The following BMP5 variants were observed in gnomAD, a reference collection of about 807,000 sequenced individuals.
The protein encoded by BMP5 is bone morphogenetic protein 5.
Under a neutral mutation model 46.6 loss-of-function variants are expected in BMP5, and 23 were observed. The observed-to-expected ratio is 0.49, with a 90% CI of 0.35 to 0.70. The LOEUF is 0.70. BMP5 is among the 30% of genes least tolerant of loss of function. The probability of loss-of-function intolerance (pLI) is 0.00; values close to 1 mark genes in which losing one functional copy is unlikely to be tolerated. For synonymous variants in BMP5, 204 were observed against 191.9 expected, an observed-to-expected ratio of 1.06 and a Z score of -0.52; for missense variants, 545 against 565.6, an observed-to-expected ratio of 0.96 and a Z score of 0.37.
At chr6:55,812,821 T>C (rs1776166556) in intron 2 of BMP5, among the ~76,000 whole-genome samples, 1 of 152,236 alleles carries the variant, frequency 6.6e-6, no homozygotes. Context: ...AAACAATTAA[T>C]AGGATTTTAA....
chr6:55,837,566 GT>G (rs1472520910), intron 1 of BMP5, among the ~76,000 whole-genome samples: 1 of 152,086 alleles, frequency 6.6e-6, no homozygotes, highest in African/African-American at 2.4e-5. Context: ...TACATGAGAT[GT>G]TTCAATACTG....
intron 1 of BMP5, among the ~76,000 whole-genome samples, chr6:55,835,555 G>T (rs2127543527): frequency 6.6e-6 from 1 of 152,260 alleles, no homozygotes; most frequent in Admixed American, 6.5e-5. Context: ...TGAATGAAAA[G>T]CAGCTTTCAT....
In BMP5 at chr6:55,755,676, G is replaced by T. The variant is rs1399196299; in HGVS notation, c.1222C>A (p.Leu408Met). The T allele has an allele frequency of 1.9e-6, 3 of 1,611,868 alleles. No individual in the cohort carries two copies. Among genetic ancestry groups the T allele is most frequent in the Non-Finnish European group, 8.5e-7 (1 of 1,178,510 alleles). Residue 408 changes from leucine to methionine, a missense_variant, in exon 7 of 7, where the codon CTG becomes ATG. Transcript: ENST00000370830. ...TTTGGTACGTGGTCAGGAAACATCA[G>T]ATGAACCTGGGAAAGAAAAAAGGTT... ...NHAIVQTLVHLMFPDHVPKPC... is the reference protein window; with the variant it reads ...NHAIVQTLVHMMFPDHVPKPC...
intron 5 of BMP5, 52 bp from the exon 6 acceptor site, chr6:55,759,167 AAAAAAAAAAAAAAAAAC>A (rs1774696475): frequency 1.3e-5 from 11 of 856,504 alleles, no homozygotes; most frequent in East Asian, 9.3e-5. Flanking sequence ...AAAAAAAAAA[AAAAAAAAAAAAAAAAAC>A]AACAAGAAAA....
At chr6:55,811,005 A>T (rs1315369669) in intron 2 of BMP5, among the ~76,000 whole-genome samples, 2 of 152,198 alleles carry the variant, frequency 1.3e-5, no homozygotes, top group Admixed American at 1.3e-4. Context: ...TCTAAAATAG[A>T]GCATGATCCC....
At position 55,806,604 on chromosome 6, in the gene BMP5, GGA is replaced by G. The variant is rs1247536712; in HGVS notation, c.684-12179_684-12178del. Among the ~76,000 whole-genome samples the G allele has an allele frequency of 3.3e-5, 5 of 152,004 alleles. No individual in the cohort carries two copies. The East Asian group carries it at 9.6e-4, about 29-fold the overall frequency. ...AAAGTAGTTTTTTCTAATTCTGTGGGGAATGCCAATGGTAGTTTGATGGGAAT... is the reference window on the plus strand; with the variant it reads ...AAAGTAGTTTTTTCTAATTCTGTGGGATGCCAATGGTAGTTTGATGGGAAT... On this transcript the variant is annotated intron_variant, in intron 2 of 6. Transcript: ENST00000370830.
chr6:55,821,042 A>G (rs1199207628), intron 1 of BMP5, among the ~76,000 whole-genome samples: 1 of 152,208 alleles, frequency 6.6e-6, no homozygotes, highest in Non-Finnish European at 1.5e-5. Flanking sequence ...TTAGAAGATT[A>G]ATTAAAATTT....
chr6:55,827,977 TC>T (rs1300893007), intron 1 of BMP5, among the ~76,000 whole-genome samples: 1 of 151,990 alleles, frequency 6.6e-6, no homozygotes, highest in East Asian at 1.9e-4. Context: ...AAAAATCTGT[TC>T]CTTTTACAGA....
chr6:55,778,892 A>G (rs570703685), intron 3 of BMP5, among the ~76,000 whole-genome samples: 97 of 152,166 alleles, frequency 6.4e-4, no homozygotes, highest in African/African-American at 2.2e-3. Flanking sequence ...ATGACTTCAT[A>G]TAAGTACTGA....
At chr6:55,755,947 T>C (rs979685245) in intron 6 of BMP5, among the ~76,000 whole-genome samples, 29 of 152,014 alleles carry the variant, frequency 1.9e-4, no homozygotes, top group Middle Eastern at 3.4e-3. Context: ...CTATAGAATA[T>C]TCAGTGGAAG....
intron 1 of BMP5, among the ~76,000 whole-genome samples, chr6:55,837,252 G>T (rs1339396579): frequency 6.6e-6 from 1 of 151,878 alleles, no homozygotes; most frequent in African/African-American, 2.4e-5. Context: ...AACACAGTAT[G>T]TTTAAGAAGA....
intron 1 of BMP5, among the ~76,000 whole-genome samples, chr6:55,860,342 A>C (rs1411511465): frequency 6.6e-6 from 1 of 152,228 alleles, no homozygotes; most frequent in Admixed American, 6.5e-5. Flanking sequence ...AAGAACTCTG[A>C]TTAAAAAGAG....
At chr6:55,806,221 A>T (rs1775984806) in intron 2 of BMP5, among the ~76,000 whole-genome samples, 1 of 152,196 alleles carries the variant, frequency 6.6e-6, no homozygotes, top group Non-Finnish European at 1.5e-5. Context: ...TTAAGTCTTC[A>T]GTCCATCTTG....
intron 2 of BMP5, among the ~76,000 whole-genome samples, chr6:55,797,182 C>A (rs1037807599): frequency 6.7e-6 from 1 of 149,692 alleles, no homozygotes; most frequent in Non-Finnish European, 1.5e-5. Flanking sequence ...AAAAACAAGT[C>A]CCCCCCAACC....
chr6:55,806,634 C>T (rs1775997027), intron 2 of BMP5, among the ~76,000 whole-genome samples: 1 of 152,180 alleles, frequency 6.6e-6, no homozygotes, highest in South Asian at 2.1e-4. Context: ...ATGGGAATAG[C>T]ACTGAATCTA....
At chr6:55,819,879 A>T (rs747684922) in intron 1 of BMP5, 32 bp from the exon 2 acceptor site, 1 of 1,545,318 alleles carries the variant, frequency 6.5e-7, no homozygotes, top group African/African-American at 1.4e-5. Flanking sequence ...AGGGGGAAAA[A>T]AGTTAGTCTT....
chr6:55,839,781 T>A (rs1776906772), intron 1 of BMP5, among the ~76,000 whole-genome samples: 1 of 152,224 alleles, frequency 6.6e-6, no homozygotes, highest in South Asian at 2.1e-4. Flanking sequence ...TTTTCCCTAG[T>A]GAATAATGAT....
At chr6:55,828,253 C>G (rs1776578026) in intron 1 of BMP5, among the ~76,000 whole-genome samples, 2 of 151,778 alleles carry the variant, frequency 1.3e-5, no homozygotes, top group South Asian at 4.1e-4. Context: ...TGCTCAGTGC[C>G]TTCTCTAATG....
intron 1 of BMP5, among the ~76,000 whole-genome samples, chr6:55,834,890 G>A (rs932597810): frequency 2.0e-5 from 3 of 152,102 alleles, no homozygotes; most frequent in Non-Finnish European, 2.9e-5. Flanking sequence ...AGACCAGCCT[G>A]GCTAACATGG....
Sources: allele counts gnomAD v4.1 joint callset (sites outside exome capture counted in the v4.1 genomes callset), GRCh38; gene constraint gnomAD v4.1.1; transcripts MANE v1.5; gene names NCBI Gene and HGNC (gene_info 2026-07-23, HGNC 2026-07-21).